The following DOCK10 variants were observed in gnomAD, a reference collection of about 807,000 sequenced individuals.
DOCK10 encodes dedicator of cytokinesis 10.
DOCK10 carries 145 observed loss-of-function variants against 280.1 expected under a neutral mutation model. The observed-to-expected ratio is 0.52, with a 90% confidence interval of 0.45 to 0.59. DOCK10 has a LOEUF of 0.59. Ranked by LOEUF, DOCK10 falls within the 20% of genes least tolerant of loss-of-function variation. DOCK10 has a pLI of 0.00. For missense variants in DOCK10, 2,368 were observed against 2,651.7 expected, an observed-to-expected ratio of 0.89 and a Z score of 2.35; for synonymous variants, 915 against 942.2, an observed-to-expected ratio of 0.97 and a Z score of 0.53.
intron 1 of DOCK10, among the ~76,000 whole-genome samples, chr2:224,968,081 A>T (rs1351910377): frequency 6.6e-6 from 1 of 152,200 alleles, no homozygotes; most frequent in Admixed American, 6.5e-5. Context: ...TTTTGAACAT[A>T]GAGTAAGATA....
chr2:224,969,260 A>G (rs184539751), intron 1 of DOCK10, among the ~76,000 whole-genome samples: 2 of 152,144 alleles, frequency 1.3e-5, no homozygotes, highest in African/African-American at 2.4e-5. Flanking sequence ...TCTCCTTTCA[A>G]TCTCCACCCT....
At chr2:224,921,109 AAAAATATATATAT>A in intron 2 of DOCK10, among the ~76,000 whole-genome samples, 1 of 79,746 alleles carries the variant, frequency 1.3e-5, no homozygotes, top group South Asian at 3.5e-4. Context: ...AAAAAAAAAA[AAAAATATATATAT>A]ATATATATAT....
intron 23 of DOCK10, among the ~76,000 whole-genome samples, chr2:224,841,561 A>G (rs997313377): frequency 3.9e-5 from 6 of 152,196 alleles, no homozygotes; most frequent in African/African-American, 1.2e-4. Flanking sequence ...TTTAGAATAA[A>G]TTGATTCTGA....
Position 224,896,437 on chromosome 2 carries a change from G to T in DOCK10, c.334-60C>A, listed in dbSNP as rs1007831636. 41 of 1,102,722 alleles carry T rather than the reference G, an allele frequency of 3.7e-5. No individual in the cohort carries two copies. The African/African-American group carries it at 6.2e-4, about 17-fold the overall frequency. 68.3% of individuals were successfully genotyped at this position (1,102,722 alleles called of 1,614,324 possible). On this transcript the variant is annotated intron_variant, in intron 3 of 55. Coordinates refer to ENST00000258390, the MANE Select transcript of DOCK10 (RefSeq NM_014689.3). ...AAATTATCATTAAAAGGCTGGGCGC[G>T]GTGGCGCTTGCCTGTAATCCCAGCA...
chr2:225,024,296 A>C (rs866816425), intron 1 of DOCK10, among the ~76,000 whole-genome samples: 23 of 152,158 alleles, frequency 1.5e-4, no homozygotes, highest in African/African-American at 4.8e-4. Context: ...ATCAATACTG[A>C]TTTCTTGATC....
intron 27 of DOCK10, among the ~76,000 whole-genome samples, chr2:224,825,056 T>C (rs559126222): frequency 6.6e-6 from 1 of 150,386 alleles, no homozygotes; most frequent in African/African-American, 2.4e-5. Context: ...CTCAGATCAC[T>C]GCAACCTCCG....
chr2:224,806,408 C>G (rs1574852867), intron 33 of DOCK10, among the ~76,000 whole-genome samples, 171 bp from the exon 34 acceptor site: 4 of 152,108 alleles, frequency 2.6e-5, no homozygotes, highest in African/African-American at 7.2e-5. Flanking sequence ...CAGCCAAAAC[C>G]ATACTCGTAG....
At chr2:224,926,547 TA>T (rs1702055424) in intron 2 of DOCK10, among the ~76,000 whole-genome samples, 1 of 152,134 alleles carries the variant, frequency 6.6e-6, no homozygotes, top group African/African-American at 2.4e-5. Flanking sequence ...AAAAAAGTGT[TA>T]AAAGGAGGAA....
Position 225,018,579 on chromosome 2 carries a change from AAT to A in DOCK10, c.123+23671_123+23672del, listed in dbSNP as rs1245763803. ...TATATATGTAATATTATATATATAT[AAT>A]ATATATGTAATATTATATATATATA... On this transcript the variant is annotated intron_variant, in intron 1 of 55. Coordinates refer to ENST00000258390, the MANE Select transcript of DOCK10 (RefSeq NM_014689.3). Among the ~76,000 whole-genome samples the A allele has an allele frequency of 3.1e-4, 8 of 25,600 alleles. 3 individuals are homozygous for A. Among genetic ancestry groups the A allele is most frequent in the South Asian group, 1.4e-3 (1 of 738 alleles). The allele number at this position is 25,600 out of a possible 152,430, so 16.8% of individuals were successfully genotyped here.
intron 7 of DOCK10, among the ~76,000 whole-genome samples, chr2:224,883,561 A>G (rs1171067739): frequency 4.6e-5 from 7 of 152,206 alleles, no homozygotes; most frequent in Non-Finnish European, 1.0e-4. Context: ...ATATTAGCAC[A>G]TTGTTCTAGT....
intron 19 of DOCK10, among the ~76,000 whole-genome samples, chr2:224,846,278 A>G (rs1405152147): frequency 6.6e-6 from 1 of 152,222 alleles, no homozygotes; most frequent in East Asian, 1.9e-4. Flanking sequence ...CAGAATATAG[A>G]TAAGACACAC....
intron 25 of DOCK10, among the ~76,000 whole-genome samples, chr2:224,836,345 T>G (rs1695591712): frequency 2.6e-5 from 4 of 152,218 alleles, no homozygotes; most frequent in African/African-American, 9.7e-5. Context: ...CTTTTTGCAG[T>G]TGAGATGTGG....
At chr2:224,988,094 G>A (rs16866405) in intron 1 of DOCK10, among the ~76,000 whole-genome samples, 8,957 of 152,180 alleles carry the variant, frequency 0.059, 879 homozygotes, top group African/African-American at 0.2. Flanking sequence ...GCCTCTGCTA[G>A]GGTGATAACA....
intron 1 of DOCK10, among the ~76,000 whole-genome samples, chr2:224,979,639 A>C (rs1168158496): frequency 3.3e-5 from 5 of 152,254 alleles, no homozygotes; most frequent in African/African-American, 1.2e-4. Context: ...CTTCTGCATA[A>C]GGCATTTCCC....
intron 1 of DOCK10, among the ~76,000 whole-genome samples, chr2:224,952,198 C>G (rs1703777197): frequency 6.6e-6 from 1 of 152,192 alleles, no homozygotes; most frequent in Non-Finnish European, 1.5e-5. Context: ...ATCAGGCAGT[C>G]TGGAGGGGAC....
chr2:224,784,181 A>T (rs1037002564), intron 50 of DOCK10, among the ~76,000 whole-genome samples: 1 of 152,112 alleles, frequency 6.6e-6, no homozygotes, highest in Non-Finnish European at 1.5e-5. Context: ...TTCATCTTTT[A>T]TGTTTGGAAT....
At chr2:224,869,839 T>A (rs1380344059) in intron 11 of DOCK10, among the ~76,000 whole-genome samples, 1 of 152,196 alleles carries the variant, frequency 6.6e-6, no homozygotes, top group Non-Finnish European at 1.5e-5. Flanking sequence ...GAAGGAGTCA[T>A]ATGCCCCTGG....
At chr2:225,032,085 CTTA>C (rs1690093511) in intron 1 of DOCK10, among the ~76,000 whole-genome samples, 1 of 152,120 alleles carries the variant, frequency 6.6e-6, no homozygotes, top group South Asian at 2.1e-4. Context: ...CAATAATCAT[CTTA>C]TTAAGATGAA....
chr2:224,826,835 T>G (rs1171562756), intron 27 of DOCK10, among the ~76,000 whole-genome samples: 2 of 152,112 alleles, frequency 1.3e-5, no homozygotes, highest in Non-Finnish European at 2.9e-5. Flanking sequence ...TTGGTGGCCA[T>G]GCCTGTAGTC....
Sources: allele counts gnomAD v4.1 joint callset (sites outside exome capture counted in the v4.1 genomes callset), GRCh38; gene constraint gnomAD v4.1.1; transcripts MANE v1.5; gene names NCBI Gene and HGNC (gene_info 2026-07-23, HGNC 2026-07-21).